TMEM182: variants seen among roughly 807,000 people sequenced by gnomAD.
TMEM182 encodes transmembrane protein 182.
TMEM182 carries 20 observed loss-of-function variants against 26.8 expected under a neutral mutation model. The ratio of observed to expected loss-of-function variants is 0.75; its 90% confidence interval spans 0.53 to 1.09. The LOEUF (loss-of-function observed/expected upper bound fraction) is 1.09, where lower values mean the gene tolerates loss of function less well. TMEM182 is among the 50% of genes least tolerant of loss of function. TMEM182 has a pLI of 0.00. For synonymous variants in TMEM182, 109 were observed against 102.2 expected (o/e 1.07, Z -0.40); for missense variants, 277 against 275.5 (o/e 1.01, Z -0.04).
chr2:102,814,819 C>G lies in TMEM182; in HGVS notation c.541C>G (p.Arg181Gly). Residue 181 changes from arginine (R) to glycine (G), a missense_variant, in exon 5 of 5, where the codon CGA becomes GGA. Coordinates refer to ENST00000412401, the MANE Select transcript of TMEM182 (RefSeq NM_144632.5). ...GGCAGTGGCTGACATGGAAAGCTAC[C>G]GAAACATGAAAATGAAGGACTGCCT... ...VQAVADMESYRNMKMKDCLDF... is the reference protein window; with the variant it reads ...VQAVADMESYGNMKMKDCLDF... 6.2e-7 allele frequency: 1 copy of G among 1,613,716 alleles called. No individual in the cohort carries two copies.
intron 1 of TMEM182, among the ~76,000 whole-genome samples, chr2:102,745,567 TCAC>T (rs1265804955): frequency 6.6e-6 from 1 of 152,108 alleles, no homozygotes; most frequent in Non-Finnish European, 1.5e-5. Context: ...TGTGCAACTA[TCAC>T]CACAATTTTA....
chr2:102,829,412 G>T (rs1683107113), intron 3 of TMEM182, among the ~76,000 whole-genome samples: 1 of 152,194 alleles, frequency 6.6e-6, no homozygotes, highest in African/African-American at 2.4e-5. Context: ...GCTAAAGAAA[G>T]GTGGGTTGGG....
intron 3 of TMEM182, among the ~76,000 whole-genome samples, chr2:102,770,095 T>C (rs73944418): frequency 0.016 from 2,430 of 152,196 alleles, 60 homozygotes; most frequent in African/African-American, 0.054. Flanking sequence ...AAGAAGACAG[T>C]AAAATACCAA....
In TMEM182 at chr2:102,738,160, C is replaced by T. The variant is rs115640279; in HGVS notation, c.-83+1147C>T. On this transcript the variant is annotated intron_variant, in intron 1 of 5. Transcript: ENST00000409173. ...TTGTGAGTAACTCATCTGGGAAAGG[C>T]GCCTTGAAAGGGCTGCTCATGTTAA... Among the ~76,000 whole-genome samples, 1,288 of 152,244 alleles carry T rather than the reference C, an allele frequency of 8.5e-3. 21 individuals carry two copies. Among genetic ancestry groups the T allele is most frequent in the African/African-American group, 0.03 (1,242 of 41,528 alleles).
chr2:102,747,937 G>T (rs1304165417), intron 1 of TMEM182, among the ~76,000 whole-genome samples: 1 of 152,144 alleles, frequency 6.6e-6, no homozygotes. Flanking sequence ...AGTGATATAA[G>T]ACAGAAAGTG....
At chr2:102,737,378 G>A (rs529199377) in intron 1 of TMEM182, among the ~76,000 whole-genome samples, 1 of 152,300 alleles carries the variant, frequency 6.6e-6, no homozygotes, top group East Asian at 1.9e-4. Context: ...CCTGAGTTGA[G>A]ATTACAGTCT....
intron 1 of TMEM182, among the ~76,000 whole-genome samples, chr2:102,740,455 C>G (rs1011359597): frequency 6.6e-6 from 1 of 152,086 alleles, no homozygotes; most frequent in Non-Finnish European, 1.5e-5. Flanking sequence ...GTTTGCTTCC[C>G]CTTCCACCAT....
downstream of TMEM182, among the ~76,000 whole-genome samples, chr2:102,818,751 T>TATCTATCTATCC (rs1254815170): frequency 1.5e-4 from 21 of 140,018 alleles, no homozygotes; most frequent in Admixed American, 1.2e-3. Context: ...TAATCCTATC[T>TATCTATCTATCC]ATCTATCTAT....
intron 1 of TMEM182, among the ~76,000 whole-genome samples, chr2:102,747,358 A>T (rs1243076940): frequency 6.6e-6 from 1 of 152,196 alleles, no homozygotes; most frequent in Non-Finnish European, 1.5e-5. Context: ...CTCAGTTATG[A>T]CAGGTGTAGA....
intron 3 of TMEM182, among the ~76,000 whole-genome samples, chr2:102,778,256 G>T (rs1681012833): frequency 6.6e-6 from 1 of 151,850 alleles, no homozygotes; most frequent in South Asian, 2.1e-4. Context: ...TTATCAATAT[G>T]TGATGTTTTT....
intron 4 of TMEM182, among the ~76,000 whole-genome samples, chr2:102,812,162 T>C (rs541420416): frequency 2.6e-5 from 4 of 152,332 alleles, no homozygotes; most frequent in Non-Finnish European, 4.4e-5. Flanking sequence ...CCTTTTCAAA[T>C]TTGTAACTAT....
At chr2:102,822,696 G>A (rs1349996903) in intron 3 of TMEM182, among the ~76,000 whole-genome samples, 2 of 152,144 alleles carry the variant, frequency 1.3e-5, no homozygotes, top group Non-Finnish European at 2.9e-5. Context: ...GAAGACCCGG[G>A]AAAACAAGGG....
At chr2:102,755,065 C>G (rs566370931) in intron 1 of TMEM182, among the ~76,000 whole-genome samples, 2 of 152,242 alleles carry the variant, frequency 1.3e-5, no homozygotes, top group South Asian at 4.1e-4. Context: ...AAACTTAGAA[C>G]ATTTTCACTG....
At chr2:102,773,239 T>TGACATTTGG (rs1680756938) in intron 3 of TMEM182, among the ~76,000 whole-genome samples, 1 of 150,642 alleles carries the variant, frequency 6.6e-6, no homozygotes, top group Non-Finnish European at 1.5e-5. Context: ...CTCAGGGGGC[T>TGACATTTGG]GACATTTGGG....
intron 4 of TMEM182, among the ~76,000 whole-genome samples, chr2:102,814,086 G>GTA (rs3080288): frequency 0.034 from 5,048 of 148,564 alleles, 186 homozygotes; most frequent in African/African-American, 0.1. Flanking sequence ...TCTTTAGTGT[G>GTA]TATATATATA....
intron 1 of TMEM182, among the ~76,000 whole-genome samples, chr2:102,746,102 C>CA (rs1181337673): frequency 6.6e-6 from 1 of 152,154 alleles, no homozygotes; most frequent in Non-Finnish European, 1.5e-5. Context: ...CAATACTTTT[C>CA]ATTTTCTGTA....
chr2:102,747,555 G>A (rs1367044872), intron 1 of TMEM182, among the ~76,000 whole-genome samples: 1 of 152,162 alleles, frequency 6.6e-6, no homozygotes, highest in African/African-American at 2.4e-5. Flanking sequence ...CTGCACAGTA[G>A]TTAGTCAGGT....
At chr2:102,782,729 C>T (rs1022453093) in intron 3 of TMEM182, among the ~76,000 whole-genome samples, 2 of 152,074 alleles carry the variant, frequency 1.3e-5, no homozygotes, top group African/African-American at 4.8e-5. Flanking sequence ...TCCTCATGAG[C>T]AATAGTCACT....
chr2:102,839,447 C>CTATATATAT (rs1553446272), intron 3 of TMEM182, among the ~76,000 whole-genome samples: 1 of 134,428 alleles, frequency 7.4e-6, no homozygotes, highest in Non-Finnish European at 1.6e-5. Context: ...TGATGTTTTG[C>CTATATATAT]TATATATATA....
Sources: allele counts gnomAD v4.1 joint callset (sites outside exome capture counted in the v4.1 genomes callset), GRCh38; gene constraint gnomAD v4.1.1; transcripts MANE v1.5; gene names NCBI Gene and HGNC (gene_info 2026-07-23, HGNC 2026-07-21).